The following CELF2 variants were observed in gnomAD, a reference collection of about 807,000 sequenced individuals.
The protein encoded by CELF2 is CUGBP Elav-like family member 2, also known as CUG triplet repeat RNA-binding protein 2.
CELF2 carries 8 observed loss-of-function variants against 62.6 expected under a neutral mutation model. The observed-to-expected ratio is 0.13, with a 90% confidence interval of 0.07 to 0.23. CELF2 has a LOEUF of 0.23. Ranked by LOEUF, CELF2 falls within the 10% of genes least tolerant of loss-of-function variation. CELF2 has a pLI of 1.00. For missense variants in CELF2, 333 were observed against 671.0 expected (o/e 0.50, Z 5.56); for synonymous variants, 258 against 250.0 (o/e 1.03, Z -0.30).
chr10:11,149,394 G>T (rs1230560240), intron 1 of CELF2, among the ~76,000 whole-genome samples: 1 of 152,154 alleles, frequency 6.6e-6, no homozygotes, highest in Non-Finnish European at 1.5e-5. Context: ...TTAAGGAAAT[G>T]TCCCCACCCT....
At chr10:10,552,991 A>G in the CELF2 span, among the ~76,000 whole-genome samples, 29 of 152,010 alleles carry the variant, frequency 1.9e-4, no homozygotes, top group Non-Finnish European at 2.9e-4. Flanking sequence ...GGAGATGGGG[A>G]GAGAGGGAGA....
chr10:11,232,631 G>GTGCCTTGATGATGT (rs1204781143), intron 3 of CELF2, among the ~76,000 whole-genome samples: 3 of 152,280 alleles, frequency 2.0e-5, no homozygotes, highest in Middle Eastern at 3.4e-3. Flanking sequence ...CTCCTGAGAT[G>GTGCCTTGATGATGT]TGCCTTGATG....
intron 1 of CELF2, among the ~76,000 whole-genome samples, chr10:11,161,847 A>C (rs2065795602): frequency 1.3e-5 from 2 of 152,202 alleles, no homozygotes; most frequent in Admixed American, 1.3e-4. Flanking sequence ...CTTCTCTTTG[A>C]AGAGCACATT....
chr10:11,230,044 C>G (rs2068066751), intron 3 of CELF2, among the ~76,000 whole-genome samples: 1 of 152,196 alleles, frequency 6.6e-6, no homozygotes, highest in South Asian at 2.1e-4. Context: ...GGCACTGACT[C>G]TGACCTGCTC....
intron 1 of CELF2, among the ~76,000 whole-genome samples, chr10:11,097,616 T>A (rs1016371713): frequency 3.3e-4 from 50 of 152,366 alleles, no homozygotes; most frequent in African/African-American, 1.2e-3. Context: ...CATCACTAAC[T>A]ATCTTTGACC....
At chr10:10,628,224 A>C in the CELF2 span, among the ~76,000 whole-genome samples, 708 of 152,238 alleles carry the variant, frequency 4.7e-3, 2 homozygotes, top group Non-Finnish European at 7.9e-3. Flanking sequence ...ATTCTTATCT[A>C]ACCTTAAAAA....
the CELF2 span, among the ~76,000 whole-genome samples, chr10:10,544,615 G>T: frequency 6.6e-6 from 1 of 152,158 alleles, no homozygotes; most frequent in African/African-American, 2.4e-5. Flanking sequence ...ACAATGGCTG[G>T]ATATAAGAAA....
chr10:10,673,355 A>G, the CELF2 span, among the ~76,000 whole-genome samples: 1 of 152,122 alleles, frequency 6.6e-6, no homozygotes, highest in Admixed American at 6.5e-5. Flanking sequence ...TGCCTTGTTC[A>G]TGATCTTAGT....
At chr10:10,869,762 TTC>T (rs1330232130) in intron 1 of CELF2, among the ~76,000 whole-genome samples, 1 of 152,172 alleles carries the variant, frequency 6.6e-6, no homozygotes, top group African/African-American at 2.4e-5. Context: ...CCATGTTGCA[TTC>T]TCTCTTCACG....
chr10:10,559,789 G>T, the CELF2 span, among the ~76,000 whole-genome samples: 1 of 152,190 alleles, frequency 6.6e-6, no homozygotes, highest in African/African-American at 2.4e-5. Flanking sequence ...TCACGCACAT[G>T]TGGACTGCTG....
the CELF2 span, among the ~76,000 whole-genome samples, chr10:10,699,940 C>T: frequency 1.8e-4 from 27 of 152,218 alleles, no homozygotes; most frequent in Admixed American, 7.9e-4. Context: ...CTCTAATCTA[C>T]GTAGAAGCAG....
chr10:10,921,896 A>G lies in CELF2; in HGVS notation c.89+1897A>G, dbSNP rs150841621. 1.5e-3 allele frequency among the ~76,000 whole-genome samples: 234 copies of G among 152,306 alleles called. No homozygotes were observed. In the Middle Eastern group the frequency reaches 0.044, roughly 29 times the overall value. The stretch of plus-strand genomic sequence containing the variant: ...GAAGGTACTCGATAATCATGCGTGA[A>G]TGTATTCATATGTCCTAGGATATTG... On this transcript the variant is annotated intron_variant, in intron 2 of 13. Transcript: ENST00000636488.
chr10:11,320,934 G>A (rs2095408267), intron 10 of CELF2: 1 of 1,547,354 alleles, frequency 6.5e-7, no homozygotes, highest in Non-Finnish European at 8.7e-7. Flanking sequence ...GCATTGAGCT[G>A]TCTCGTCTAA....
the CELF2 span, among the ~76,000 whole-genome samples, chr10:10,780,572 C>T: frequency 1.3e-5 from 2 of 152,270 alleles, no homozygotes; most frequent in East Asian, 3.9e-4. Flanking sequence ...CCTCTGCCTC[C>T]TGGGTTCAAG....
chr10:11,276,711 T>C (rs558073813), intron 8 of CELF2, among the ~76,000 whole-genome samples: 1 of 152,336 alleles, frequency 6.6e-6, no homozygotes, highest in South Asian at 2.1e-4. Context: ...ACAGTTGGAT[T>C]ATGCAGAGAA....
intron 3 of CELF2, among the ~76,000 whole-genome samples, chr10:11,230,631 A>T (rs2068301246): frequency 6.6e-6 from 1 of 152,242 alleles, no homozygotes; most frequent in African/African-American, 2.4e-5. Flanking sequence ...ATGTGAGGAC[A>T]TGCTGGTTTT....
chr10:11,197,513 GT>G (rs1285736248), intron 2 of CELF2, among the ~76,000 whole-genome samples: 1 of 152,216 alleles, frequency 6.6e-6, no homozygotes, highest in Non-Finnish European at 1.5e-5. Context: ...ATACAGTTGA[GT>G]GTCCCGATTG....
At chr10:10,609,449 A>T in the CELF2 span, among the ~76,000 whole-genome samples, 1 of 152,102 alleles carries the variant, frequency 6.6e-6, no homozygotes, top group African/African-American at 2.4e-5. Flanking sequence ...CCCGAATACC[A>T]CCGCGCGTGC....
the CELF2 span, among the ~76,000 whole-genome samples, chr10:10,721,366 T>G: frequency 6.6e-6 from 1 of 152,242 alleles, no homozygotes; most frequent in African/African-American, 2.4e-5. Flanking sequence ...ACTTGGAATT[T>G]AGAAGCAATC....
Sources: allele counts gnomAD v4.1 joint callset (sites outside exome capture counted in the v4.1 genomes callset), GRCh38; gene constraint gnomAD v4.1.1; transcripts MANE v1.5; gene names NCBI Gene and HGNC (gene_info 2026-07-23, HGNC 2026-07-21).